The following PTPRR variants were observed in gnomAD, a reference collection of about 807,000 sequenced individuals.
The protein encoded by PTPRR is receptor-type tyrosine-protein phosphatase R.
In PTPRR, 38 loss-of-function variants were observed where a neutral mutation model predicts 77.2. The observed-to-expected ratio is 0.49, with a 90% CI of 0.38 to 0.65. The LOEUF is 0.65. PTPRR is among the 30% of genes least tolerant of loss of function. The pLI, the probability that PTPRR is intolerant of heterozygous loss-of-function variation, is 0.00. For synonymous variants in PTPRR, 299 were observed against 283.1 expected, an observed-to-expected ratio of 1.06 and a Z score of -0.57; for missense variants, 744 against 799.2, an observed-to-expected ratio of 0.93 and a Z score of 0.83.
At chr12:70,674,140 G>C (rs1887353464) in intron 10 of PTPRR, among the ~76,000 whole-genome samples, 2 of 152,160 alleles carry the variant, frequency 1.3e-5, no homozygotes, top group South Asian at 4.1e-4. Context: ...TCATTACATT[G>C]TCTAGGCTGG....
chr12:70,683,002 T>G (rs954718842), intron 10 of PTPRR, among the ~76,000 whole-genome samples: 6 of 152,136 alleles, frequency 3.9e-5, no homozygotes, highest in African/African-American at 1.4e-4. Context: ...GCCAAAAATA[T>G]GCTATTTTTC....
intron 8 of PTPRR, among the ~76,000 whole-genome samples, chr12:70,686,226 C>G (rs1339785177): frequency 6.6e-6 from 1 of 152,032 alleles, no homozygotes; most frequent in Non-Finnish European, 1.5e-5. Flanking sequence ...CTCTTACGTT[C>G]CCCACGAAAA....
chr12:70,865,847 C>T (rs1030996904), intron 2 of PTPRR, among the ~76,000 whole-genome samples: 4 of 152,022 alleles, frequency 2.6e-5, no homozygotes, highest in Non-Finnish European at 4.4e-5. Flanking sequence ...TGAGAGAGCA[C>T]GTATTCTGTC....
intron 2 of PTPRR, among the ~76,000 whole-genome samples, chr12:70,805,223 G>C (rs1891688538): frequency 6.6e-6 from 1 of 151,872 alleles, no homozygotes. Flanking sequence ...ATTTTATCCT[G>C]TAACATTCTT....
rs749455496 is a variant in PTPRR at position 70,701,139 on chromosome 12, T to C, written c.1192A>G (p.Met398Val). The stretch of plus-strand genomic sequence containing the variant: ...TGAACAATAAATAGAAGGCTCACCA[T>C]GAATTCACTTTGGAGTAAATGTGAA... ...ASSHLLQSEFMEIPMNFVDPK... is the reference protein window; with the variant it reads ...ASSHLLQSEFVEIPMNFVDPK... The change falls in exon 7 of 14, where the codon ATG (methionine) becomes GTG (valine). Residue 398 changes from methionine (M) to valine (V), a missense_variant and splice_region_variant. Coordinates refer to ENST00000283228, the MANE Select transcript of PTPRR (RefSeq NM_002849.4). 7 of 1,613,814 alleles carry C rather than the reference T, an allele frequency of 4.3e-6. 1 individual carries two copies. The highest frequency in any genetic ancestry group is 3.3e-4 in the Middle Eastern group (2 of 6,058).
chr12:70,833,737 C>A (rs990564452), intron 2 of PTPRR, among the ~76,000 whole-genome samples: 1 of 152,140 alleles, frequency 6.6e-6, no homozygotes, highest in African/African-American at 2.4e-5. Context: ...TTGTATGTGG[C>A]AACCTGATGA....
intron 10 of PTPRR, among the ~76,000 whole-genome samples, chr12:70,675,571 T>C (rs1025737934): frequency 2.0e-5 from 3 of 152,060 alleles, no homozygotes; most frequent in African/African-American, 7.2e-5. Context: ...TCTCAAATTT[T>C]AAATACTATC....
intron 1 of PTPRR, among the ~76,000 whole-genome samples, chr12:70,910,548 C>T (rs761818567): frequency 5.3e-5 from 8 of 152,168 alleles, no homozygotes; most frequent in Non-Finnish European, 1.0e-4. Context: ...AAATTCAATG[C>T]TTGTCTTGAG....
intron 11 of PTPRR, chr12:70,661,302 C>A (rs79828932): frequency 6.5e-5 from 43 of 657,238 alleles, no homozygotes; most frequent in Non-Finnish European, 1.1e-4. Context: ...GTGAGAAAGT[C>A]ATACCTTTGT....
intron 6 of PTPRR, among the ~76,000 whole-genome samples, chr12:70,712,947 T>C (rs1373960077): frequency 1.3e-5 from 2 of 152,166 alleles, no homozygotes; most frequent in Admixed American, 6.6e-5. Flanking sequence ...GTTTTTATTA[T>C]AGTCACTTAG....
chr12:70,748,620 G>A (rs1890287343), intron 5 of PTPRR, among the ~76,000 whole-genome samples: 1 of 151,926 alleles, frequency 6.6e-6, no homozygotes, highest in Admixed American at 6.6e-5. Flanking sequence ...AATAATAGTG[G>A]GAATAAAAAA....
intron 4 of PTPRR, chr12:70,754,532 T>A: frequency 6.3e-7 from 1 of 1,585,692 alleles, no homozygotes; most frequent in Non-Finnish European, 8.5e-7. Flanking sequence ...TGACATGGCA[T>A]CTGCAGGTCC....
intron 2 of PTPRR, among the ~76,000 whole-genome samples, chr12:70,777,604 A>G (rs1891116986): frequency 1.3e-5 from 2 of 152,176 alleles, no homozygotes; most frequent in Non-Finnish European, 2.9e-5. Context: ...GACTACCCAG[A>G]ATTCTCCATG....
chr12:70,643,434 C>A (rs1226262204), intron 13 of PTPRR, among the ~76,000 whole-genome samples: 1 of 152,138 alleles, frequency 6.6e-6, no homozygotes, highest in Non-Finnish European at 1.5e-5. Flanking sequence ...CTCAGCCTCC[C>A]AAAGTGCTGG....
intron 2 of PTPRR, among the ~76,000 whole-genome samples, chr12:70,802,289 A>AT (rs1157981982): frequency 6.6e-6 from 1 of 152,192 alleles, no homozygotes; most frequent in Non-Finnish European, 1.5e-5. Flanking sequence ...AAAGAGTAAT[A>AT]TTTTCACAGA....
chr12:70,806,458 G>C (rs1380984358), intron 2 of PTPRR, among the ~76,000 whole-genome samples: 1 of 152,172 alleles, frequency 6.6e-6, no homozygotes, highest in African/African-American at 2.4e-5. Flanking sequence ...AAATCATCAA[G>C]GACCTTGATT....
intron 2 of PTPRR, among the ~76,000 whole-genome samples, chr12:70,874,463 C>G (rs1218986370): frequency 6.6e-6 from 1 of 152,060 alleles, no homozygotes; most frequent in Non-Finnish European, 1.5e-5. Flanking sequence ...TTGGTAACTT[C>G]TTTGAGAAAC....
chr12:70,706,295 A>G (rs1888616822), intron 6 of PTPRR, among the ~76,000 whole-genome samples: 1 of 152,114 alleles, frequency 6.6e-6, no homozygotes, highest in Non-Finnish European at 1.5e-5. Flanking sequence ...AAACAGAAAT[A>G]AACACGGACC....
intron 2 of PTPRR, among the ~76,000 whole-genome samples, chr12:70,778,210 T>C (rs915524126): frequency 6.6e-6 from 1 of 152,222 alleles, no homozygotes; most frequent in African/African-American, 2.4e-5. Flanking sequence ...TATTTCTATT[T>C]TTTTTTCTCT....
Sources: allele counts gnomAD v4.1 joint callset (sites outside exome capture counted in the v4.1 genomes callset), GRCh38; gene constraint gnomAD v4.1.1; transcripts MANE v1.5; gene names NCBI Gene and HGNC (gene_info 2026-07-23, HGNC 2026-07-21).